MEF2A: variants seen among roughly 807,000 people sequenced by gnomAD.
MEF2A encodes the protein myocyte-specific enhancer factor 2A.
MEF2A carries 28 observed loss-of-function variants against 55.8 expected under a neutral mutation model. That is an observed-to-expected ratio of 0.50 (90% CI 0.37 to 0.69). The LOEUF is 0.69. MEF2A is among the 30% of genes least tolerant of loss of function. The pLI is 0.00. For missense variants in MEF2A, 528 were observed against 626.2 expected, an observed-to-expected ratio of 0.84 and a Z score of 1.67; for synonymous variants, 239 against 227.1, an observed-to-expected ratio of 1.05 and a Z score of -0.47.
chr15:99,629,982 C>T (rs1410359131), intron 2 of MEF2A, among the ~76,000 whole-genome samples: 2 of 150,574 alleles, frequency 1.3e-5, no homozygotes, highest in African/African-American at 4.9e-5. Flanking sequence ...ACCTCCTTCT[C>T]CCTCCCCCAC....
chr15:99,700,617 C>CT (rs2153783870), intron 8 of MEF2A, among the ~76,000 whole-genome samples: 1 of 152,258 alleles, frequency 6.6e-6, no homozygotes, highest in South Asian at 2.1e-4. Context: ...CATCCAGTAA[C>CT]TGAACATACC....
chr15:99,587,005 AGAG>A (rs1182541205), intron 1 of MEF2A, among the ~76,000 whole-genome samples: 1 of 152,104 alleles, frequency 6.6e-6, no homozygotes, highest in African/African-American at 2.4e-5. Context: ...TGTTATTACA[AGAG>A]CACACTGTAT....
chr15:99,604,284 A>G (rs559858475), intron 2 of MEF2A, among the ~76,000 whole-genome samples: 1 of 152,224 alleles, frequency 6.6e-6, no homozygotes, highest in South Asian at 2.1e-4. Context: ...AATTTTAGTT[A>G]TATATTTGAA....
At chr15:99,675,979 G>T (rs1052161213) in intron 7 of MEF2A, among the ~76,000 whole-genome samples, 5 of 151,990 alleles carry the variant, frequency 3.3e-5, no homozygotes, top group Non-Finnish European at 4.4e-5. Flanking sequence ...GGCGGTGGTT[G>T]CAGTGAGCTG....
chr15:99,587,672 G>T (rs1196160586), intron 1 of MEF2A, among the ~76,000 whole-genome samples: 3 of 151,964 alleles, frequency 2.0e-5, no homozygotes, highest in Non-Finnish European at 4.4e-5. Context: ...TGTTAAATTT[G>T]TCTTTAAATA....
intron 1 of MEF2A, among the ~76,000 whole-genome samples, chr15:99,572,465 G>T (rs1962738689): frequency 6.6e-6 from 1 of 152,144 alleles, no homozygotes; most frequent in African/African-American, 2.4e-5. Context: ...TGTATACCTG[G>T]TTTGTTTAGT....
chr15:99,645,105 G>C (rs2045735646), intron 3 of MEF2A, among the ~76,000 whole-genome samples: 1 of 152,202 alleles, frequency 6.6e-6, no homozygotes, highest in Admixed American at 6.5e-5. Flanking sequence ...ATCCCAGACT[G>C]TGAATTTCAG....
rs1201795954 is a variant in MEF2A, at chr15:99,701,613, T to G, written c.859-1749T>G. Among the ~76,000 whole-genome samples, 7 of 152,360 alleles carry G rather than the reference T, an allele frequency of 4.6e-5. No homozygotes were observed. In the East Asian group the frequency reaches 1.2e-3, roughly 25 times the overall value. On this transcript the variant is annotated intron_variant, in intron 8 of 11. Coordinates refer to ENST00000557942, the MANE Select transcript of MEF2A (RefSeq NM_001319206.4). Reference sequence around the variant, plus strand: ...TTTTTATTAGTTTCGACAACTGCATTGTATTTCCTTGTGATGTTAACAATG... The same window carrying G: ...TTTTTATTAGTTTCGACAACTGCATGGTATTTCCTTGTGATGTTAACAATG...
At chr15:99,677,216 A>G (rs2052304826) in intron 7 of MEF2A, among the ~76,000 whole-genome samples, 1 of 152,170 alleles carries the variant, frequency 6.6e-6, no homozygotes, top group African/African-American at 2.4e-5. Flanking sequence ...GCACACACAC[A>G]AATAAAGCAA....
At chr15:99,675,264 T>C in intron 6 of MEF2A, 135 bp from the exon 7 acceptor site, 1 of 769,330 alleles carries the variant, frequency 1.3e-6, no homozygotes, top group Non-Finnish European at 2.3e-6. Flanking sequence ...AACTTCAGAC[T>C]GAGCTAGTTT....
intron 2 of MEF2A, among the ~76,000 whole-genome samples, chr15:99,601,593 C>T (rs978428178): frequency 6.7e-6 from 1 of 148,652 alleles, no homozygotes; most frequent in Non-Finnish European, 1.5e-5. Flanking sequence ...AATATGGTCA[C>T]CTACCTCCCC....
intron 1 of MEF2A, among the ~76,000 whole-genome samples, chr15:99,592,700 T>TG (rs1289814793): frequency 6.6e-6 from 1 of 151,658 alleles, no homozygotes; most frequent in Non-Finnish European, 1.5e-5. Context: ...AGAGAGTGGG[T>TG]GGGGGGAGGT....
chr15:99,710,335 C>T lies in MEF2A; in HGVS notation c.1010-299C>T, dbSNP rs754083916. On this transcript the variant is annotated intron_variant, in intron 10 of 11. Coordinates refer to ENST00000557942, the MANE Select transcript of MEF2A (RefSeq NM_001319206.4). ...TCGGCTCACTGCAGCCTCTGCCTCCCGGGTTCAAGCAGTTCTCCTGCCTCA... is the reference window on the plus strand; with the variant it reads ...TCGGCTCACTGCAGCCTCTGCCTCCTGGGTTCAAGCAGTTCTCCTGCCTCA... Among the ~76,000 whole-genome samples the T allele has an allele frequency of 1.2e-4, 18 of 152,228 alleles. No homozygotes were observed. The South Asian group carries it at 1.5e-3, about 12-fold the overall frequency.
chr15:99,693,443 A>G (rs909038217), intron 8 of MEF2A, among the ~76,000 whole-genome samples: 39 of 152,074 alleles, frequency 2.6e-4, no homozygotes, highest in Admixed American at 2.4e-3. Flanking sequence ...ACACAGATGT[A>G]TGCACGCACA....
chr15:99,666,340 CAG>C (rs1250279794), intron 4 of MEF2A, among the ~76,000 whole-genome samples: 1 of 152,038 alleles, frequency 6.6e-6, no homozygotes, highest in Admixed American at 6.6e-5. Flanking sequence ...AACACAAAAA[CAG>C]AAAACTAAAC....
In MEF2A at chr15:99,613,453, G is replaced by A. The variant is rs554682404; in HGVS notation, c.-143+14942G>A. On this transcript the variant is annotated intron_variant, in intron 2 of 11. Transcript: ENST00000557942. ...AACAATACACACTTTAACAGTCCCC[G>A]CACCCACCCCTCCTAGGGCCATCCC... Among the ~76,000 whole-genome samples the A allele has an allele frequency of 7.2e-5, 11 of 152,198 alleles. No individual in the cohort carries two copies. The South Asian group carries it at 2.3e-3, about 32-fold the overall frequency.
intron 3 of MEF2A, among the ~76,000 whole-genome samples, chr15:99,641,741 A>G (rs1383370377): frequency 6.6e-6 from 1 of 152,126 alleles, no homozygotes; most frequent in Non-Finnish European, 1.5e-5. Context: ...TTGTCTTCTC[A>G]TAATCCCACT....
chr15:99,691,665 T>C (rs2055487971), intron 8 of MEF2A, among the ~76,000 whole-genome samples: 1 of 151,536 alleles, frequency 6.6e-6, no homozygotes, highest in South Asian at 2.1e-4. Flanking sequence ...ACCACTGCAC[T>C]CCAGCCTGGG....
At chr15:99,614,884 G>C (rs2039928774) in intron 2 of MEF2A, among the ~76,000 whole-genome samples, 1 of 152,160 alleles carries the variant, frequency 6.6e-6, no homozygotes, top group African/African-American at 2.4e-5. Context: ...CTGGGCAAGA[G>C]GAAGTGTGGC....
Sources: gnomAD v4.1 joint callset for allele counts (sites outside exome capture counted in the v4.1 genomes callset) on GRCh38, gnomAD v4.1.1 for gene constraint, MANE v1.5 for transcripts, NCBI Gene and HGNC (gene_info 2026-07-23, HGNC 2026-07-21) for gene names.